The following CTNNA2 variants were observed in gnomAD, a reference collection of about 807,000 sequenced individuals.
The protein encoded by CTNNA2 is catenin alpha 2, also known as catenin alpha-2.
A neutral mutation model predicts 101.0 loss-of-function variants in CTNNA2; 42 were observed. That is an observed-to-expected ratio of 0.42 (90% confidence interval 0.32 to 0.54). The LOEUF (loss-of-function observed/expected upper bound fraction) is 0.54, where lower values mean the gene tolerates loss of function less well. Ranked by LOEUF, CTNNA2 falls within the 20% of genes least tolerant of loss-of-function variation. The probability of loss-of-function intolerance (pLI) is 0.14; values close to 1 mark genes in which losing one functional copy is unlikely to be tolerated. For synonymous variants in CTNNA2, 450 were observed against 456.4 expected (o/e 0.99, Z 0.18); for missense variants, 871 against 1,223.1 (o/e 0.71, Z 4.29).
At chr2:79,485,396 T>C (rs1319816551) in intron 4 of CTNNA2, among the ~76,000 whole-genome samples, 1 of 152,198 alleles carries the variant, frequency 6.6e-6, no homozygotes, top group Non-Finnish European at 1.5e-5. Flanking sequence ...AACAAAAATG[T>C]TTCTACCTAG....
intron 7 of CTNNA2, among the ~76,000 whole-genome samples, chr2:80,309,814 C>T (rs1177053471): frequency 2.0e-5 from 3 of 151,672 alleles, no homozygotes; most frequent in Admixed American, 2.0e-4. Flanking sequence ...CCTGCCTCAG[C>T]CTCCCAAGTA....
chr2:80,431,392 T>C (rs1270219292), intron 9 of CTNNA2, among the ~76,000 whole-genome samples: 1 of 152,188 alleles, frequency 6.6e-6, no homozygotes, highest in Non-Finnish European at 1.5e-5. Flanking sequence ...TTTAATCCTC[T>C]GACCCTCAGA....
In CTNNA2 at chr2:79,392,018, C is replaced by G. The variant is rs144603337; in HGVS notation, c.-135+18005C>G. Among the ~76,000 whole-genome samples the G allele has an allele frequency of 4.1e-3, 619 of 152,190 alleles. 4 individuals are homozygous for G. The highest frequency in any genetic ancestry group is 0.014 in the African/African-American group (589 of 41,518). On this transcript the variant is annotated intron_variant, in intron 4 of 21. Transcript: ENST00000466387. ...ATTTCTTCCTCTAAGAACACCAGTC[C>G]AATTGGATTAGGGCTGCAACCCTCA...
chr2:79,706,299 C>A (rs2104783708), intron 2 of CTNNA2, among the ~76,000 whole-genome samples: 1 of 139,970 alleles, frequency 7.1e-6, no homozygotes, highest in Admixed American at 8.0e-5. Context: ...GGAGGCGGAG[C>A]TTGCAGTGAG....
intron 9 of CTNNA2, among the ~76,000 whole-genome samples, chr2:80,477,856 C>T (rs558904061): frequency 1.3e-5 from 2 of 152,066 alleles, no homozygotes; most frequent in Admixed American, 1.3e-4. Flanking sequence ...TAAACATACA[C>T]ATGCAGGTAT....
intron 4 of CTNNA2, among the ~76,000 whole-genome samples, chr2:79,436,670 C>T (rs1678718134): frequency 6.6e-6 from 1 of 151,390 alleles, no homozygotes; most frequent in Non-Finnish European, 1.5e-5. Context: ...CTTGCTCTCT[C>T]ACCCAGGCTG....
chr2:80,340,270 G>C (rs529236718), intron 7 of CTNNA2, among the ~76,000 whole-genome samples: 1 of 152,280 alleles, frequency 6.6e-6, no homozygotes, highest in South Asian at 2.1e-4. Context: ...TCTCTTAGGG[G>C]AGGAACTGCC....
chr2:79,516,805 G>T (rs1417256056), intron 1 of CTNNA2, among the ~76,000 whole-genome samples: 1 of 152,110 alleles, frequency 6.6e-6, no homozygotes, highest in Non-Finnish European at 1.5e-5. Context: ...GAACAATAAA[G>T]ATTTAATATT....
chr2:80,398,585 T>G (rs1015005299), intron 8 of CTNNA2, among the ~76,000 whole-genome samples: 20 of 151,702 alleles, frequency 1.3e-4, no homozygotes, highest in Non-Finnish European at 2.8e-4. Flanking sequence ...CTGGGCATGG[T>G]GGCTCATGCC....
rs80099083 is a variant in CTNNA2, at chr2:79,633,357, C to T, written c.-5-18195C>T. ...TCCATATAGTCCAGGAAAACCTTTC[C>T]CAGAAGTCCCCAGCTGAGTTGCTAT... On this transcript the variant is annotated intron_variant, in intron 1 of 18. Transcript: ENST00000402739. Among the ~76,000 whole-genome samples, 235 of 152,244 alleles carry T rather than the reference C, an allele frequency of 1.5e-3. 1 individual carries two copies. The South Asian group carries it at 0.016, about 10-fold the overall frequency.
chr2:79,277,756 G>C (rs1468103169), intron 2 of CTNNA2, among the ~76,000 whole-genome samples: 1 of 152,002 alleles, frequency 6.6e-6, no homozygotes, highest in African/African-American at 2.4e-5. Flanking sequence ...TTTAAGAATG[G>C]GAAAAAGTGG....
intron 2 of CTNNA2, among the ~76,000 whole-genome samples, chr2:79,261,786 T>C (rs892252497): frequency 3.9e-5 from 6 of 152,206 alleles, no homozygotes; most frequent in Non-Finnish European, 7.3e-5. Flanking sequence ...CTTCAACCCA[T>C]AAATTTACAA....
chr2:79,666,494 T>C (rs1682427257), intron 2 of CTNNA2, among the ~76,000 whole-genome samples: 1 of 152,234 alleles, frequency 6.6e-6, no homozygotes, highest in East Asian at 1.9e-4. Flanking sequence ...TATTAGATTT[T>C]TACTGTTCTT....
intron 3 of CTNNA2, among the ~76,000 whole-genome samples, chr2:79,810,705 G>A (rs1558949044): frequency 6.6e-6 from 1 of 151,166 alleles, no homozygotes; most frequent in Admixed American, 6.6e-5. Flanking sequence ...AGGCCCTGGT[G>A]TGTGATGTTC....
chr2:80,195,191 T>C (rs553090533), intron 7 of CTNNA2, among the ~76,000 whole-genome samples: 1 of 152,292 alleles, frequency 6.6e-6, no homozygotes, highest in South Asian at 2.1e-4. Flanking sequence ...TTTTATAGTC[T>C]ATATATTGAA....
intron 7 of CTNNA2, among the ~76,000 whole-genome samples, chr2:80,210,310 C>G (rs1019275577): frequency 6.6e-6 from 1 of 152,090 alleles, no homozygotes; most frequent in African/African-American, 2.4e-5. Flanking sequence ...TTGTCCTGCA[C>G]CCATTAACTC....
chr2:80,193,975 A>G (rs933698216), intron 7 of CTNNA2, among the ~76,000 whole-genome samples: 1 of 152,212 alleles, frequency 6.6e-6, no homozygotes, highest in African/African-American at 2.4e-5. Flanking sequence ...ATATTTTTAA[A>G]CAATGGATTT....
In CTNNA2 at chr2:79,951,687, TTAAAATAAAA is replaced by T. The variant is rs145883822; in HGVS notation, c.1056+41909_1056+41918del. Reference sequence around the variant, plus strand: ...CTCAAAAATTAAAAAATAAGATAAGTTAAAATAAAATAAAATAAAATAAAATAAGTACCCA... The same window carrying T: ...CTCAAAAATTAAAAAATAAGATAAGTTAAAATAAAATAAAATAAGTACCCA... On this transcript the variant is annotated intron_variant, in intron 7 of 18. Transcript: ENST00000402739. Among the ~76,000 whole-genome samples, 95 of 86,882 alleles carry T rather than the reference TTAAAATAAAA, an allele frequency of 1.1e-3. No homozygotes were observed. In the East Asian group the frequency reaches 0.019, roughly 17 times the overall value. The allele number at this position is 86,882 out of a possible 152,430, so 57.0% of individuals were successfully genotyped here.
chr2:79,671,525 G>A (rs1682840394), intron 2 of CTNNA2, among the ~76,000 whole-genome samples: 1 of 152,204 alleles, frequency 6.6e-6, no homozygotes. Flanking sequence ...GCAAAATTCA[G>A]AAGAAAGCAG....
Sources: allele counts gnomAD v4.1 joint callset (sites outside exome capture counted in the v4.1 genomes callset), GRCh38; gene constraint gnomAD v4.1.1; transcripts MANE v1.5; gene names NCBI Gene and HGNC (gene_info 2026-07-23, HGNC 2026-07-21).